Variants in CEMIP observed in about 807,000 individuals in gnomAD.
CEMIP encodes the protein cell migration-inducing and hyaluronan-binding protein.
Under a neutral mutation model 156.9 loss-of-function variants are expected in CEMIP, and 105 were observed. The ratio of observed to expected loss-of-function variants is 0.67; its 90% CI spans 0.57 to 0.79. The LOEUF (loss-of-function observed/expected upper bound fraction) is 0.79, where lower values mean the gene tolerates loss of function less well. Among genes scored for constraint, CEMIP ranks in the 30% least tolerant of loss-of-function variants. The pLI is 0.00. For missense variants in CEMIP, 1,457 were observed against 1,769.4 expected, an observed-to-expected ratio of 0.82 and a Z score of 3.17; for synonymous variants, 676 against 668.4, an observed-to-expected ratio of 1.01 and a Z score of -0.17.
rs1204110116 is a variant in CEMIP at position 80,932,226 on chromosome 15, C to G, written c.2793+187C>G. Among the ~76,000 whole-genome samples the G allele has an allele frequency of 6.6e-6, 1 of 152,144 alleles. No individual in the cohort carries two copies. Among genetic ancestry groups the G allele is most frequent in the African/African-American group, 2.4e-5 (1 of 41,424 alleles). On this transcript the variant is annotated intron_variant, in intron 22 of 29. Coordinates refer to ENST00000394685, the MANE Select transcript of CEMIP (RefSeq NM_001293298.2). The surrounding 1 kb of genome is among the most constrained non-coding windows in gnomAD (Gnocchi z 4.5). ...TGGAAAAGTACAAGCGTAGGTTGCC[C>G]CACAGGTCAGGTCTGGGTAAATGCC...
chr15:80,822,314 C>T (rs1896929474), intron 1 of CEMIP, among the ~76,000 whole-genome samples: 1 of 152,176 alleles, frequency 6.6e-6, no homozygotes, highest in South Asian at 2.1e-4. Flanking sequence ...GCTACCACCT[C>T]AGAGACCTTG....
intron 21 of CEMIP, among the ~76,000 whole-genome samples, chr15:80,931,456 C>A (rs1900908484): frequency 1.3e-5 from 2 of 152,116 alleles, no homozygotes; most frequent in Admixed American, 1.3e-4. Context: ...TGGCACGCTC[C>A]AGTGGTATTT....
chr15:80,848,584 A>T (rs556806399), intron 1 of CEMIP, among the ~76,000 whole-genome samples: 1 of 152,176 alleles, frequency 6.6e-6, no homozygotes, highest in Admixed American at 6.5e-5. Flanking sequence ...TTTATGGAGG[A>T]TCTCTCTTGG....
At chr15:80,905,879 G>A (rs1899779683) in intron 12 of CEMIP, among the ~76,000 whole-genome samples, 1 of 152,126 alleles carries the variant, frequency 6.6e-6, no homozygotes, top group African/African-American at 2.4e-5. Context: ...GGTGGGGGAT[G>A]GTGAGGAGCT....
At chr15:80,843,241 AGTCCAGTG>A (rs1406477430) in intron 1 of CEMIP, among the ~76,000 whole-genome samples, 1 of 152,250 alleles carries the variant, frequency 6.6e-6, no homozygotes, top group Non-Finnish European at 1.5e-5. Context: ...GTAACTCACC[AGTCCAGTG>A]GTCACTGGTT....
chr15:80,919,894 C>T (rs1452069625), intron 14 of CEMIP, among the ~76,000 whole-genome samples, 200 bp from the exon 15 acceptor site: 2 of 152,130 alleles, frequency 1.3e-5, no homozygotes, highest in Non-Finnish European at 2.9e-5. Context: ...ATCTCCAAAC[C>T]TCCAGTGCTC....
chr15:80,808,786 CAAAA>C (rs34648120), intron 1 of CEMIP, among the ~76,000 whole-genome samples: 1 of 144,074 alleles, frequency 6.9e-6, no homozygotes, highest in African/African-American at 2.6e-5. Flanking sequence ...ATGGGGAAGC[CAAAA>C]AAAAAAAAAT....
intron 1 of CEMIP, among the ~76,000 whole-genome samples, chr15:80,869,131 A>G (rs1048609066): frequency 5.9e-5 from 9 of 152,114 alleles, no homozygotes; most frequent in Admixed American, 2.0e-4. Context: ...GTCTCTTCAC[A>G]TGGTCTCTCC....
intron 1 of CEMIP, among the ~76,000 whole-genome samples, chr15:80,849,754 T>C (rs1157274911): frequency 6.6e-6 from 1 of 151,952 alleles, no homozygotes; most frequent in Non-Finnish European, 1.5e-5. Flanking sequence ...TTCTCAAAAA[T>C]GAGGCCAGAT....
chr15:80,838,042 G>GC (rs1314553716), intron 1 of CEMIP, among the ~76,000 whole-genome samples: 7 of 152,134 alleles, frequency 4.6e-5, no homozygotes, highest in South Asian at 2.1e-4. Context: ...GTATGCAACA[G>GC]CCCCCCCAGG....
chr15:80,818,231 C>T (rs557058761), intron 1 of CEMIP, among the ~76,000 whole-genome samples: 1 of 152,316 alleles, frequency 6.6e-6, no homozygotes, highest in East Asian at 1.9e-4. Context: ...GCTGGGGAAG[C>T]TGCACCTCCA....
intron 1 of CEMIP, among the ~76,000 whole-genome samples, chr15:80,840,689 C>T (rs79518609): frequency 0.023 from 3,479 of 152,286 alleles, 134 homozygotes; most frequent in African/African-American, 0.08. Context: ...GCCCTGGGCC[C>T]TGCAGCGCCC....
intron 14 of CEMIP, chr15:80,909,661 C>T (rs1899968574): frequency 2.1e-6 from 1 of 465,278 alleles, no homozygotes; most frequent in Non-Finnish European, 4.3e-6. Flanking sequence ...CATGCGAAGA[C>T]CCGGCTGTGG....
At chr15:80,788,427 C>T (rs541430181) in intron 1 of CEMIP, among the ~76,000 whole-genome samples, 3 of 147,544 alleles carry the variant, frequency 2.0e-5, no homozygotes, top group South Asian at 2.2e-4. Flanking sequence ...GCTGAGATTG[C>T]GCCACTGCAC....
Position 80,949,896 on chromosome 15 carries a change from C to G in CEMIP, c.*972C>G, listed in dbSNP as rs535254281. On this transcript the variant is annotated 3_prime_UTR_variant, in exon 30 of 30. Transcript: ENST00000394685. ...GGAATGGCTCAGGGATTCAGCCCTC[C>G]CTGCCGCTGCCTGCTGAAGCTGGTG... 2.0e-5 allele frequency: 3 copies of G among 152,400 alleles called. No individual in the cohort carries two copies. The highest frequency in any genetic ancestry group is 6.5e-5 in the Admixed American group (1 of 15,312). The allele number at this position is 152,400 out of a possible 1,614,324, so 9.4% of individuals were successfully genotyped here.
chr15:80,878,833 T>C lies in CEMIP; in HGVS notation c.207T>C (p.Ser69=). 1 of 1,614,214 alleles carries C rather than the reference T, an allele frequency of 6.2e-7. No individual in the cohort carries two copies. The highest frequency in any genetic ancestry group is 1.3e-5 in the African/African-American group (1 of 75,064). ...GQGKTLLLTS[S]ATVYSIHISE... is the part of the protein sequence containing the mutation. Reference sequence around the variant, plus strand: ...GCAAGACACTGCTGCTCACCTCTTCTGCCACGGTCTATTCCATCCACATCT... The same window carrying C: ...GCAAGACACTGCTGCTCACCTCTTCCGCCACGGTCTATTCCATCCACATCT... The change falls in exon 4 of 30, where the codon TCT becomes TCC. Residue 69 remains serine (S), a synonymous_variant. Coordinates refer to ENST00000394685, the MANE Select transcript of CEMIP (RefSeq NM_001293298.2).
intron 16 of CEMIP, among the ~76,000 whole-genome samples, chr15:80,921,348 C>T (rs1019039215): frequency 2.0e-5 from 3 of 152,204 alleles, no homozygotes; most frequent in African/African-American, 7.2e-5. Context: ...TTAGTGAACA[C>T]TGAACGCTTT....
At chr15:80,853,388 T>C (rs1897759613) in intron 1 of CEMIP, among the ~76,000 whole-genome samples, 1 of 152,130 alleles carries the variant, frequency 6.6e-6, no homozygotes, top group Non-Finnish European at 1.5e-5. Context: ...CCAGCTTTGG[T>C]CCTTTGTGCC....
intron 14 of CEMIP, among the ~76,000 whole-genome samples, chr15:80,917,885 T>C (rs1364573730): frequency 6.6e-6 from 1 of 152,124 alleles, no homozygotes; most frequent in Non-Finnish European, 1.5e-5. Flanking sequence ...GATTAAAAGG[T>C]ATAAGAGGCC....
Sources: allele counts gnomAD v4.1 joint callset (sites outside exome capture counted in the v4.1 genomes callset), GRCh38; gene constraint gnomAD v4.1.1; non-coding constraint Gnocchi (gnomAD v3.1); transcripts MANE v1.5; gene names NCBI Gene and HGNC (gene_info 2026-07-23, HGNC 2026-07-21).